Variants in FGFR4 observed in about 807,000 individuals in gnomAD.
FGFR4 encodes the protein hydroxyaryl-protein kinase.
A neutral mutation model predicts 89.9 loss-of-function variants in FGFR4; 63 were observed. That is an observed-to-expected ratio of 0.70 (90% CI 0.57 to 0.86). The LOEUF (loss-of-function observed/expected upper bound fraction) is 0.86, where lower values mean the gene tolerates loss of function less well. Among genes scored for constraint, FGFR4 ranks in the 40% least tolerant of loss-of-function variants. FGFR4 has a pLI of 0.00. For missense variants in FGFR4, 928 were observed against 1,106.7 expected (o/e 0.84, Z 2.29); for synonymous variants, 486 against 479.4 (o/e 1.01, Z -0.18).
At position 177,089,643 on chromosome 5, in the gene FGFR4, T is replaced by C; in HGVS notation, c.41T>C (p.Val14Ala). The C allele has an allele frequency of 6.2e-7, 1 of 1,613,966 alleles. No individual in the cohort carries two copies. ...LLALLGVLLS[V>A]PGPPVLSLEA... ...GCCCTGTTGGGGGTCCTGCTGAGTG[T>C]GCCTGGGCCTCCAGTCTTGTCCCTG... Residue 14 changes from valine to alanine, a missense_variant, in exon 2 of 18, where the codon GTG becomes GCG. By Grantham distance (64) the Val-to-Ala change is moderately conservative. This residue lies in a region of FGFR4 where 741 missense variants were observed against 836.9 expected (regional missense o/e 0.89). Transcript: ENST00000292408.
rs746619070 is a variant in FGFR4, at chr5:177,096,144, G to A, written c.1909G>A (p.Val637Ile). 4.5e-5 allele frequency: 72 copies of A among 1,614,146 alleles called. No homozygotes were observed. The highest frequency in any genetic ancestry group is 4.2e-4 in the East Asian group (19 of 44,886). ...TGCTGACTTTGGGCTGGCCCGCGGC[G>A]TCCACCACATTGACTACTATAAGAA... ...KIADFGLARGVHHIDYYKKTS... is the reference protein window; with the variant it reads ...KIADFGLARGIHHIDYYKKTS... The change falls in exon 14 of 18, where the codon GTC (valine) becomes ATC (isoleucine). Residue 637 changes from valine to isoleucine, a missense_variant. Around this residue, in one of 5 missense-constraint regions of FGFR4, gnomAD observed 20 missense variants for 17.3 expected, o/e 1.16. Coordinates refer to ENST00000292408, the MANE Select transcript of FGFR4 (RefSeq NM_213647.3).
In FGFR4 at chr5:177,095,073, G is replaced by A; in HGVS notation, c.1520-257G>A. ...CCTGGGCCTGCCCGCTGGAAGGCCT[G>A]CCTCTTAGATCCTTGATACAGTTGC... is the stretch of plus-strand genomic sequence containing the variant. On this transcript the variant is annotated intron_variant, in intron 11 of 17. Coordinates refer to ENST00000292408, the MANE Select transcript of FGFR4 (RefSeq NM_213647.3). This position sits in a 1 kb window ranked among gnomAD's most constrained non-coding sequence, Gnocchi z 5.7. The A allele has an allele frequency of 2.1e-6, 1 of 480,164 alleles. No individual in the cohort carries two copies. The highest frequency in any genetic ancestry group is 6.0e-4 in the Middle Eastern group (1 of 1,680). The allele number at this position is 480,164 out of a possible 1,614,324, so 29.7% of individuals were successfully genotyped here. A position where few individuals can be genotyped will look rare whatever the true frequency, so the allele number is the denominator to read the frequency against.
rs1009709060 is a variant in FGFR4 at position 177,093,925 on chromosome 5, G to C, written c.1519+150G>C. 6.1e-6 allele frequency: 6 copies of C among 982,888 alleles called. No homozygotes were observed. The Admixed American group carries it at 1.1e-4, about 19-fold the overall frequency. The allele number at this position is 982,888 out of a possible 1,614,324, so 60.9% of individuals were successfully genotyped here. ...CTACAAAAAAAAAATAAGAAAATTAGTTGGGTGTGGTGGTGTGTGCCTTTA... is the reference window on the plus strand; with the variant it reads ...CTACAAAAAAAAAATAAGAAAATTACTTGGGTGTGGTGGTGTGTGCCTTTA... On this transcript the variant is annotated intron_variant, in intron 11 of 17. Coordinates refer to ENST00000292408, the MANE Select transcript of FGFR4 (RefSeq NM_213647.3). The surrounding 1 kb of genome is among the most constrained non-coding windows in gnomAD (Gnocchi z 5.8).
intron 1 of FGFR4, chr5:177,088,462 C>T: frequency 5.1e-6 from 1 of 195,756 alleles, no homozygotes; most frequent in Non-Finnish European, 1.1e-5. Context: ...TGAGAAGGGG[C>T]AGGGGAAGCC....
Position 177,091,682 on chromosome 5 carries a change from C to T in FGFR4, c.604-3C>T, listed in dbSNP as rs910306706. On this transcript the variant is annotated splice_polypyrimidine_tract_variant and splice_region_variant and intron_variant, in intron 5 of 17. Transcript: ENST00000292408. ...TGGTCCCGGACACTCTCTCTGCCTG[C>T]AGCTGCGCCATCAGCACTGGAGTCT... 6.2e-6 allele frequency: 10 copies of T among 1,614,030 alleles called. No individual in the cohort carries two copies. Among genetic ancestry groups the T allele is most frequent in the Non-Finnish European group, 7.6e-6 (9 of 1,180,002 alleles).
chr5:177,095,297 G>A lies in FGFR4; in HGVS notation c.1520-33G>A, dbSNP rs555100275. 2 of 1,580,048 alleles carry A rather than the reference G, an allele frequency of 1.3e-6. No individual in the cohort carries two copies. Among genetic ancestry groups the A allele is most frequent in the East Asian group, 2.2e-5 (1 of 44,686 alleles). ...GCATGCTCCCTCGTGCAGTTGGAGGGCAGCCTCTTCACCCCGTCTGCTGCC... is the reference window on the plus strand; with the variant it reads ...GCATGCTCCCTCGTGCAGTTGGAGGACAGCCTCTTCACCCCGTCTGCTGCC... On this transcript the variant is annotated intron_variant, in intron 11 of 17. Coordinates refer to ENST00000292408, the MANE Select transcript of FGFR4 (RefSeq NM_213647.3). This position sits in a 1 kb window ranked among gnomAD's most constrained non-coding sequence, Gnocchi z 5.7.
Position 177,096,672 on chromosome 5 carries a change from T to C in FGFR4, c.2084T>C (p.Val695Ala), listed in dbSNP as rs1197844621. 7 of 1,611,270 alleles carry C rather than the reference T, an allele frequency of 4.3e-6. No individual in the cohort carries two copies. Among genetic ancestry groups the C allele is most frequent in the Non-Finnish European group, 5.9e-6 (7 of 1,178,602 alleles). Residue 695 changes from valine (V) to alanine (A), a missense_variant, in exon 16 of 18, where the codon GTG (valine) becomes GCG (alanine). Physicochemically the swap from Val to Ala is moderately conservative, Grantham distance 64. Around this residue, in one of 5 missense-constraint regions of FGFR4, gnomAD observed 129 missense variants for 150.8 expected, o/e 0.86. Coordinates refer to ENST00000292408, the MANE Select transcript of FGFR4 (RefSeq NM_213647.3). ...LGGSPYPGIP[V>A]EELFSLLREG... ...GGCTCCCCGTATCCTGGCATCCCGGTGGAGGAGCTGTTCTCGCTGCTGCGG... is the reference window on the plus strand; with the variant it reads ...GGCTCCCCGTATCCTGGCATCCCGGCGGAGGAGCTGTTCTCGCTGCTGCGG...
Position 177,095,232 on chromosome 5 carries a change from G to A in FGFR4, c.1520-98G>A, listed in dbSNP as rs900605242. On this transcript the variant is annotated intron_variant, in intron 11 of 17. Coordinates refer to ENST00000292408, the MANE Select transcript of FGFR4 (RefSeq NM_213647.3). This position sits in a 1 kb window ranked among gnomAD's most constrained non-coding sequence, Gnocchi z 5.7. The stretch of plus-strand genomic sequence containing the variant: ...AGCAAGGATTCAGCCCTAGACCTAC[G>A]TAGCCCTGGTCCAGTGCTGCTTGTC... The A allele has an allele frequency of 9.2e-6, 9 of 978,846 alleles. No individual in the cohort carries two copies. Among genetic ancestry groups the A allele is most frequent in the South Asian group, 2.6e-5 (2 of 75,556 alleles). 60.6% of individuals were successfully genotyped at this position (978,846 alleles called of 1,614,324 possible).
rs1408253680 is a variant in FGFR4 at position 177,095,900 on chromosome 5, A to AGAGG, written c.1822-155_1822-152dup. On this transcript the variant is annotated intron_variant, in intron 13 of 17. Coordinates refer to ENST00000292408, the MANE Select transcript of FGFR4 (RefSeq NM_213647.3). The surrounding 1 kb of genome is among the most constrained non-coding windows in gnomAD (Gnocchi z 5.7). ...CGTTCCTCACCCTTCCCCAGAGGGG[A>AGAGG]GAGGGGACGCAGGAGAAGGCACTCC... Among the ~76,000 whole-genome samples, 3 of 151,908 alleles carry AGAGG rather than the reference A, an allele frequency of 2.0e-5. No homozygotes were observed. The highest frequency in any genetic ancestry group is 2.9e-5 in the Non-Finnish European group (2 of 67,976).
chr5:177,088,277 C>T (rs1303210135), intron 1 of FGFR4: 4 of 172,972 alleles, frequency 2.3e-5, no homozygotes, highest in African/African-American at 7.1e-5. Context: ...TGTTCTCGAT[C>T]TCCTGACCTC....
At chr5:177,091,868 T>C in intron 6 of FGFR4, 60 bp downstream of exon 6, 1 of 1,601,788 alleles carries the variant, frequency 6.2e-7, no homozygotes, top group Non-Finnish European at 8.5e-7. Context: ...TTGTGCCCTC[T>C]TGGTGGGGTC....
intron 16 of FGFR4, 113 bp downstream of exon 16, chr5:177,096,854 GTCCTCCTCCTCCTCTTCCTCT>G (rs1784587780): frequency 2.5e-5 from 27 of 1,081,888 alleles, no homozygotes; most frequent in Admixed American, 5.2e-5. Context: ...ACAACTCCTC[GTCCTCCTCCTCCTCTTCCTCT>G]TCCTCCTCCT....
At chr5:177,091,314 A>C (rs439213) in intron 5 of FGFR4, among the ~76,000 whole-genome samples, 113,531 of 152,070 alleles carry the variant, frequency 0.75, 42,822 homozygotes, top group East Asian at 1. Context: ...CAGCAACTCC[A>C]TTTGTAAAGG....
Position 177,093,634 on chromosome 5 carries a change from TG to T in FGFR4, c.1398-18del. On this transcript the variant is annotated intron_variant, in intron 10 of 17. Transcript: ENST00000292408. This position sits in a 1 kb window ranked among gnomAD's most constrained non-coding sequence, Gnocchi z 5.8. ...CAGGAGTGACTCGGAGGTCTGAGGCTGGACTTTCTCCATCTCCAGGCTGGTG... is the reference window on the plus strand; with the variant it reads ...CAGGAGTGACTCGGAGGTCTGAGGCTGACTTTCTCCATCTCCAGGCTGGTG... The T allele has an allele frequency of 6.2e-7, 1 of 1,614,140 alleles. No homozygotes were observed. Among genetic ancestry groups the T allele is most frequent in the Non-Finnish European group, 8.5e-7 (1 of 1,180,000 alleles).
chr5:177,095,261 C>A lies in FGFR4; in HGVS notation c.1520-69C>A. On this transcript the variant is annotated intron_variant, in intron 11 of 17. Transcript: ENST00000292408. The surrounding 1 kb of genome is among the most constrained non-coding windows in gnomAD (Gnocchi z 5.7). Reference sequence around the variant, plus strand: ...CCCTGGTCCAGTGCTGCTTGTCCTGCACCTGCCTCTGCATGCTCCCTCGTG... The same window carrying A: ...CCCTGGTCCAGTGCTGCTTGTCCTGAACCTGCCTCTGCATGCTCCCTCGTG... 1 of 1,296,270 alleles carries A rather than the reference C, an allele frequency of 7.7e-7. No homozygotes were observed. The highest frequency in any genetic ancestry group is 1.1e-6 in the Non-Finnish European group (1 of 892,770). 80.3% of individuals were successfully genotyped at this position (1,296,270 alleles called of 1,614,324 possible). A position where few individuals can be genotyped will look rare whatever the true frequency, so the allele number is the denominator to read the frequency against.
chr5:177,089,128 A>C (rs1352146775), intron 1 of FGFR4, among the ~76,000 whole-genome samples: 1 of 152,222 alleles, frequency 6.6e-6, no homozygotes, highest in Non-Finnish European at 1.5e-5. Context: ...GATGCCATCC[A>C]GATGCTGAAG....
chr5:177,094,158 C>T (rs551965347), intron 11 of FGFR4, among the ~76,000 whole-genome samples: 1 of 152,240 alleles, frequency 6.6e-6, no homozygotes, highest in South Asian at 2.1e-4. Flanking sequence ...AAGGGGCTCA[C>T]GGTGCCACCA....
chr5:177,088,202 G>C (rs992202233), intron 1 of FGFR4: 1 of 160,100 alleles, frequency 6.2e-6, no homozygotes, highest in Admixed American at 6.5e-5. Flanking sequence ...ACAGGCGCCC[G>C]CCACCGCGCC....
rs374900591 is a variant in FGFR4, at chr5:177,091,816, C to A, written c.727+8C>A. The A allele has an allele frequency of 6.2e-7, 1 of 1,613,818 alleles. No individual in the cohort carries two copies. The highest frequency in any genetic ancestry group is 1.3e-5 in the African/African-American group (1 of 74,922). Reference sequence around the variant, plus strand: ...ACCTGCTAGATGTGCTGGGTGAGCGCGGGGCTGGGAACAGGGGAGGCCTGA... The same window carrying A: ...ACCTGCTAGATGTGCTGGGTGAGCGAGGGGCTGGGAACAGGGGAGGCCTGA... On this transcript the variant is annotated splice_region_variant and intron_variant, in intron 6 of 17. Transcript: ENST00000292408.
Sources: allele counts gnomAD v4.1 joint callset (sites outside exome capture counted in the v4.1 genomes callset), GRCh38; gene constraint gnomAD v4.1.1; regional missense constraint gnomAD v4.1.1; non-coding constraint Gnocchi (gnomAD v3.1); transcripts MANE v1.5; gene names NCBI Gene and HGNC (gene_info 2026-07-23, HGNC 2026-07-21).